Variants in LRCH2 observed in about 807,000 individuals in gnomAD.
LRCH2 encodes leucine-rich repeat and calponin homology domain-containing protein 2.
LRCH2 carries 38 observed loss-of-function variants against 68.9 expected under a neutral mutation model. The ratio of observed to expected loss-of-function variants is 0.55; its 90% CI spans 0.43 to 0.72. The LOEUF is 0.72. Ranked by LOEUF, LRCH2 falls within the 30% of genes least tolerant of loss-of-function variation. The probability of loss-of-function intolerance (pLI) is 0.00; values close to 1 mark genes in which losing one functional copy is unlikely to be tolerated. For synonymous variants in LRCH2, 191 were observed against 208.1 expected (o/e 0.92, Z 0.71); for missense variants, 528 against 572.9 (o/e 0.92, Z 0.80).
intron 1 of LRCH2, chrX:115,189,974 T>G: frequency 8.6e-7 from 1 of 1,162,950 alleles, no homozygotes; most frequent in Admixed American, 2.6e-5. Context: ...GGCTGTGGAA[T>G]GCGCGGGAAG....
At chrX:115,223,444 AT>A (rs1202226845) in intron 1 of LRCH2, among the ~76,000 whole-genome samples, 1 of 38,108 alleles carries the variant, frequency 2.6e-5, no homozygotes, top group African/African-American at 6.4e-5. Context: ...TGAATATAGA[AT>A]TTTTTTTTTA....
At chrX:115,199,933 C>T (rs1050829374) in intron 1 of LRCH2, among the ~76,000 whole-genome samples, 1 of 112,070 alleles carries the variant, frequency 8.9e-6, no homozygotes, top group East Asian at 2.8e-4. Flanking sequence ...AAAATGAAAT[C>T]CTATCAATTA....
intron 2 of LRCH2, among the ~76,000 whole-genome samples, chrX:115,187,450 C>T (rs781904314): frequency 1.7e-3 from 189 of 111,975 alleles, no homozygotes; most frequent in Non-Finnish European, 2.8e-3. Flanking sequence ...CATTCTTTTA[C>T]ATATATAGGG....
intron 14 of LRCH2, among the ~76,000 whole-genome samples, chrX:115,139,735 G>T (rs1476174567): frequency 1.8e-5 from 2 of 111,431 alleles, no homozygotes; most frequent in Non-Finnish European, 3.8e-5. Flanking sequence ...ACTTAGTGCT[G>T]CCCTGCCACA....
intron 14 of LRCH2, among the ~76,000 whole-genome samples, chrX:115,141,690 A>G (rs2072340030): frequency 9.2e-6 from 1 of 108,965 alleles, no homozygotes; most frequent in African/African-American, 3.4e-5. Flanking sequence ...ACATGGTGAA[A>G]CCCCATCTCT....
At position 115,142,974 on chromosome X, in the gene LRCH2, T is replaced by C. The variant is rs1304997753; in HGVS notation, c.1695+6853A>G. The stretch of plus-strand genomic sequence containing the variant: ...AATTAGCTGGGTGTGGTGGTGCCTG[T>C]AGTCCCAGCTACTTGGAAGGCTGAA... On this transcript the variant is annotated intron_variant, in intron 14 of 20. Coordinates refer to ENST00000317135, the MANE Select transcript of LRCH2 (RefSeq NM_020871.4). Among the ~76,000 whole-genome samples the C allele has an allele frequency of 4.5e-5, 5 of 110,314 alleles. No individual in the cohort carries two copies. In the East Asian group the frequency reaches 1.2e-3, roughly 25 times the overall value.
chrX:115,211,789 G>C (rs180713213), intron 1 of LRCH2, among the ~76,000 whole-genome samples: 68 of 111,079 alleles, frequency 6.1e-4, no homozygotes, highest in African/African-American at 2.1e-3. Context: ...CTTGCAATAG[G>C]AGGCAGAATG....
rs960350164 is a variant in LRCH2, at chrX:115,112,540, A to T, written c.*676T>A. On this transcript the variant is annotated 3_prime_UTR_variant, in exon 21 of 21. Transcript: ENST00000317135. ...ACATATTACTGACTTTACAAAATCTACTAAAATATTTTAAAGTTCCATTGA... is the reference window on the plus strand; with the variant it reads ...ACATATTACTGACTTTACAAAATCTTCTAAAATATTTTAAAGTTCCATTGA... 5 of 111,555 alleles carry T rather than the reference A, an allele frequency of 4.5e-5. No individual in the cohort carries two copies. The highest frequency in any genetic ancestry group is 1.6e-4 in the African/African-American group (5 of 30,728). 9.2% of individuals were successfully genotyped at this position (111,555 alleles called of 1,213,427 possible).
At chrX:115,197,839 TCTCTCTCTCA>T (rs1463627574) in intron 1 of LRCH2, among the ~76,000 whole-genome samples, 1 of 47,739 alleles carries the variant, frequency 2.1e-5, no homozygotes, top group Non-Finnish European at 3.9e-5. Flanking sequence ...TCTCTCTCTC[TCTCTCTCTCA>T]CACACACACA....
At chrX:115,126,927 AT>A in intron 15 of LRCH2, 34 bp from the exon 16 acceptor site, 3 of 861,176 alleles carry the variant, frequency 3.5e-6, no homozygotes, top group Non-Finnish European at 4.7e-6. Flanking sequence ...GGAAGATGAA[AT>A]TACAATACAA....
intron 1 of LRCH2, among the ~76,000 whole-genome samples, chrX:115,215,088 G>A (rs1186451996): frequency 8.9e-6 from 1 of 111,943 alleles, no homozygotes; most frequent in Non-Finnish European, 1.9e-5. Context: ...ATATTTTCAA[G>A]ACAAATACTA....
At position 115,126,870 on chromosome X, in the gene LRCH2, C is replaced by T; in HGVS notation, c.1764G>A (p.Met588Ile). 9.3e-7 allele frequency: 1 copy of T among 1,074,114 alleles called. No homozygotes were observed. The highest frequency in any genetic ancestry group is 1.2e-6 in the Non-Finnish European group (1 of 820,011). The allele number at this position is 1,074,114 out of a possible 1,213,427, so 88.5% of individuals were successfully genotyped here. A position where few individuals can be genotyped will look rare whatever the true frequency, so the allele number is the denominator to read the frequency against. The change falls in exon 16 of 21, where the codon ATG (methionine) becomes ATA (isoleucine). Residue 588 changes from methionine to isoleucine, a missense_variant. Coordinates refer to ENST00000317135, the MANE Select transcript of LRCH2 (RefSeq NM_020871.4). The stretch of plus-strand genomic sequence containing the variant: ...CAGATGATACTGGAGATTGTGTTGA[C>T]ATATTAGCATTATCACTGTCTTGCT... Reference protein sequence around the residue: ...NDEQDSDNANMSTQSPVSSEE... With the variant: ...NDEQDSDNANISTQSPVSSEE...
intron 1 of LRCH2, among the ~76,000 whole-genome samples, chrX:115,221,580 CAA>C (rs782563187): frequency 9.9e-5 from 11 of 111,030 alleles, no homozygotes; most frequent in Non-Finnish European, 2.1e-4. Context: ...GGAGTGGCAA[CAA>C]AGTCACTATA....
In LRCH2 at chrX:115,180,173, A is replaced by G. The variant is rs1295222014; in HGVS notation, c.622-422T>C. Among the ~76,000 whole-genome samples, 21 of 111,649 alleles carry G rather than the reference A, an allele frequency of 1.9e-4. No homozygotes were observed. The Admixed American group carries it at 2.0e-3, about 11-fold the overall frequency. On this transcript the variant is annotated intron_variant, in intron 3 of 20. Coordinates refer to ENST00000317135, the MANE Select transcript of LRCH2 (RefSeq NM_020871.4). ...TGGCTGGGCAGAAGCTAAGAAAGTC[A>G]AGGATTTATAAATGTGCACTGGCGA...
intron 2 of LRCH2, 24 bp downstream of exon 2, chrX:115,188,202 T>A (rs1304495472): frequency 1.9e-6 from 2 of 1,070,762 alleles, no homozygotes; most frequent in Non-Finnish European, 2.4e-6. Context: ...AAAACCAAAA[T>A]TTATTTTTAA....
intron 20 of LRCH2, among the ~76,000 whole-genome samples, chrX:115,115,018 T>C (rs933239110): frequency 9.0e-6 from 1 of 111,057 alleles, no homozygotes; most frequent in Non-Finnish European, 1.9e-5. Flanking sequence ...GAAAGACTCA[T>C]ACACTGAAAA....
At chrX:115,207,228 C>T (rs1250840066) in intron 1 of LRCH2, among the ~76,000 whole-genome samples, 4 of 111,199 alleles carry the variant, frequency 3.6e-5, no homozygotes, top group African/African-American at 1.3e-4. Context: ...AAAAATTCCA[C>T]CTAAAAATCG....
intron 11 of LRCH2, among the ~76,000 whole-genome samples, chrX:115,163,438 C>T (rs781959759): frequency 4.5e-5 from 5 of 110,921 alleles, no homozygotes; most frequent in Admixed American, 9.7e-5. Flanking sequence ...TTTATATTCC[C>T]GTCCTAAGTA....
At position 115,197,818 on chromosome X, in the gene LRCH2, G is replaced by GTCTC. The variant is rs1196662958; in HGVS notation, c.350-9452_350-9449dup. Among the ~76,000 whole-genome samples the GTCTC allele has an allele frequency of 7.2e-3, 97 of 13,390 alleles. 2 individuals are homozygous for GTCTC. The highest frequency in any genetic ancestry group is 0.023 in the South Asian group (2 of 87). The allele number at this position is 13,390 out of a possible 115,157, so 11.6% of individuals were successfully genotyped here. ...CACTCCAGCCTGGGCAACAGAACAAGTCTCTCTCTCTCTCTCTCTCTCTCT... is the reference window on the plus strand; with the variant it reads ...CACTCCAGCCTGGGCAACAGAACAAGTCTCTCTCTCTCTCTCTCTCTCTCTCTCT... On this transcript the variant is annotated intron_variant, in intron 1 of 20. Coordinates refer to ENST00000317135, the MANE Select transcript of LRCH2 (RefSeq NM_020871.4).
Sources: allele counts gnomAD v4.1 joint callset (sites outside exome capture counted in the v4.1 genomes callset), GRCh38; gene constraint gnomAD v4.1.1; transcripts MANE v1.5; gene names NCBI Gene and HGNC (gene_info 2026-07-23, HGNC 2026-07-21).